The following COG6 variants were observed in gnomAD, a reference collection of about 807,000 sequenced individuals.
COG6 encodes component of oligomeric golgi complex 6, also known as conserved oligomeric Golgi complex subunit 6.
Under a neutral mutation model 88.8 loss-of-function variants are expected in COG6, and 74 were observed. That is an observed-to-expected ratio of 0.83 (90% CI 0.69 to 1.01). The LOEUF (loss-of-function observed/expected upper bound fraction) is 1.01, where lower values mean the gene tolerates loss of function less well. Ranked by LOEUF, COG6 falls within the 50% of genes least tolerant of loss-of-function variation. COG6 has a pLI of 0.00. For synonymous variants in COG6, 286 were observed against 278.7 expected (o/e 1.03, Z -0.26); for missense variants, 800 against 797.9 (o/e 1.00, Z -0.03).
chr13:39,764,885 T>C (rs1045514848), intron 18 of COG6, among the ~76,000 whole-genome samples: 1 of 152,274 alleles, frequency 6.6e-6, no homozygotes, highest in East Asian at 1.9e-4. Context: ...TTGTTAATCT[T>C]GTTTAAATCA....
At chr13:39,699,806 A>G (rs1877475654) in intron 13 of COG6, among the ~76,000 whole-genome samples, 188 bp downstream of exon 13, 1 of 151,872 alleles carries the variant, frequency 6.6e-6, no homozygotes, top group African/African-American at 2.4e-5. Flanking sequence ...TTCCTGAAAC[A>G]GTATAACATT....
intron 1 of COG6, among the ~76,000 whole-genome samples, chr13:39,657,570 A>G (rs1874603452): frequency 6.6e-6 from 1 of 152,002 alleles, no homozygotes; most frequent in Admixed American, 6.6e-5. Context: ...AGTTGTAAAC[A>G]TATTTTTGCT....
At chr13:39,686,655 T>A (rs1876659341) in intron 8 of COG6, among the ~76,000 whole-genome samples, 2 of 152,162 alleles carry the variant, frequency 1.3e-5, no homozygotes, top group African/African-American at 4.8e-5. Context: ...CAAATTTTGG[T>A]GATAGATTGT....
intron 13 of COG6, among the ~76,000 whole-genome samples, chr13:39,711,891 G>A (rs1241182932): frequency 3.3e-5 from 5 of 151,998 alleles, no homozygotes; most frequent in Admixed American, 6.6e-5. Flanking sequence ...ATTGAGTCTC[G>A]CTCTGTGGCC....
intron 11 of COG6, among the ~76,000 whole-genome samples, chr13:39,694,371 A>G (rs939775816): frequency 2.6e-5 from 4 of 151,912 alleles, no homozygotes; most frequent in South Asian, 2.1e-4. Flanking sequence ...AATGATCTCA[A>G]TGTATTGACA....
chr13:39,702,880 A>G (rs150304068), intron 13 of COG6, among the ~76,000 whole-genome samples: 2 of 152,266 alleles, frequency 1.3e-5, no homozygotes, highest in African/African-American at 2.4e-5. Context: ...TTTCTTATAT[A>G]CCAGCTCATG....
chr13:39,740,234 TGA>T (rs1398033731), intron 18 of COG6, among the ~76,000 whole-genome samples: 1 of 152,184 alleles, frequency 6.6e-6, no homozygotes, highest in Non-Finnish European at 1.5e-5. Context: ...AAGAAGTATA[TGA>T]GAGAGGACTC....
At position 39,751,116 on chromosome 13, in the gene COG6, C is replaced by T; in HGVS notation, c.*23C>T. 1 of 1,612,614 alleles carries T rather than the reference C, an allele frequency of 6.2e-7. No individual in the cohort carries two copies. Among genetic ancestry groups the T allele is most frequent in the South Asian group, 1.1e-5 (1 of 90,988 alleles). ...TGATTATCTTATTTCATTGTGTTAG[C>T]AAAATATGACCTCCCTAAAACACTG... On this transcript the variant is annotated 3_prime_UTR_variant, in exon 19 of 19. Coordinates refer to ENST00000455146, the MANE Select transcript of COG6 (RefSeq NM_020751.3).
At chr13:39,739,156 A>T (rs941784848) in intron 18 of COG6, among the ~76,000 whole-genome samples, 2 of 152,162 alleles carry the variant, frequency 1.3e-5, no homozygotes, top group African/African-American at 4.8e-5. Flanking sequence ...TAAGTAGATG[A>T]ACGTAAGAAC....
At chr13:39,738,256 CAT>C (rs1879869284) in intron 18 of COG6, among the ~76,000 whole-genome samples, 1 of 152,048 alleles carries the variant, frequency 6.6e-6, no homozygotes, top group Admixed American at 6.6e-5. Flanking sequence ...ATTTTAAACA[CAT>C]AAAACATACG....
chr13:39,752,130 T>G lies in COG6; in HGVS notation c.*1037T>G. 8.0e-7 allele frequency: 1 copy of G among 1,242,282 alleles called. No individual in the cohort carries two copies. Among genetic ancestry groups the G allele is most frequent in the Middle Eastern group, 3.5e-4 (1 of 2,892 alleles). 77.0% of individuals were successfully genotyped at this position (1,242,282 alleles called of 1,614,324 possible). On this transcript the variant is annotated 3_prime_UTR_variant, in exon 19 of 19. Coordinates refer to ENST00000455146, the MANE Select transcript of COG6 (RefSeq NM_020751.3). Reference sequence around the variant, plus strand: ...AAGGAATAAATCCCAGTGTGCCTGATTTGACATTCTTGTCAGCAAAAAAAA... The same window carrying G: ...AAGGAATAAATCCCAGTGTGCCTGAGTTGACATTCTTGTCAGCAAAAAAAA...
chr13:39,751,598 A>G lies in COG6; in HGVS notation c.*505A>G, dbSNP rs1390591198. The G allele has an allele frequency of 9.3e-6, 12 of 1,287,170 alleles. No individual in the cohort carries two copies. The highest frequency in any genetic ancestry group is 1.2e-5 in the Non-Finnish European group (12 of 988,690). 79.7% of individuals were successfully genotyped at this position (1,287,170 alleles called of 1,614,324 possible). On this transcript the variant is annotated 3_prime_UTR_variant, in exon 19 of 19. Transcript: ENST00000455146. ...GTCCCCAAAATAGCTGCCCTTAAAG[A>G]GTTGTTAGCAGAGAGAAAAATAACA...
At chr13:39,717,954 T>A (rs556379750) in intron 13 of COG6, among the ~76,000 whole-genome samples, 15 of 152,338 alleles carry the variant, frequency 9.8e-5, no homozygotes, top group Middle Eastern at 3.4e-3. Context: ...TGTATTTTAT[T>A]ATTCCTGTCT....
intron 4 of COG6, among the ~76,000 whole-genome samples, chr13:39,667,954 A>C (rs964359724): frequency 2.0e-5 from 3 of 152,198 alleles, no homozygotes; most frequent in Non-Finnish European, 4.4e-5. Flanking sequence ...GCAAATTTTG[A>C]CTTAACGATA....
At position 39,739,642 on chromosome 13, in the gene COG6, G is replaced by A. The variant is rs80148060; in HGVS notation, c.1827-11304G>A. Among the ~76,000 whole-genome samples, 442 of 152,168 alleles carry A rather than the reference G, an allele frequency of 2.9e-3. 2 individuals are homozygous for A. Among genetic ancestry groups the A allele is most frequent in the Non-Finnish European group, 4.4e-3 (299 of 67,946 alleles). ...TTTACTACATAAACCAGTTAGAGAA[G>A]AGTACCATGACACTATGTTGGAATA... On this transcript the variant is annotated intron_variant, in intron 18 of 18. Coordinates refer to ENST00000455146, the MANE Select transcript of COG6 (RefSeq NM_020751.3).
At chr13:39,659,609 T>C in intron 2 of COG6, 102 bp downstream of exon 2, 1 of 930,754 alleles carries the variant, frequency 1.1e-6, no homozygotes, top group Non-Finnish European at 1.7e-6. Context: ...TTGCTATTTG[T>C]ATACTATGCC....
intron 4 of COG6, among the ~76,000 whole-genome samples, chr13:39,665,747 T>G (rs1875215954): frequency 6.6e-6 from 1 of 152,242 alleles, no homozygotes; most frequent in Non-Finnish European, 1.5e-5. Flanking sequence ...CATTATATTA[T>G]GATGCAGTAT....
chr13:39,687,210 T>C (rs1303482531), intron 8 of COG6, among the ~76,000 whole-genome samples: 1 of 152,110 alleles, frequency 6.6e-6, no homozygotes, highest in Non-Finnish European at 1.5e-5. Flanking sequence ...TTTTCCTACT[T>C]TTACTAAGTC....
chr13:39,784,071 A>G (rs1238248763), intron 18 of COG6, among the ~76,000 whole-genome samples: 1 of 152,168 alleles, frequency 6.6e-6, no homozygotes, highest in Non-Finnish European at 1.5e-5. Context: ...CCATCTGGTC[A>G]CATAACACGG....
Sources: gnomAD v4.1 joint callset for allele counts (sites outside exome capture counted in the v4.1 genomes callset) on GRCh38, gnomAD v4.1.1 for gene constraint, MANE v1.5 for transcripts, NCBI Gene and HGNC (gene_info 2026-07-23, HGNC 2026-07-21) for gene names.